COL28A1: variants seen among roughly 807,000 people sequenced by gnomAD.
The protein encoded by COL28A1 is collagen type XXVIII alpha 1 chain.
A neutral mutation model predicts 150.2 loss-of-function variants in COL28A1; 161 were observed. That is an observed-to-expected ratio of 1.07 (90% CI 0.94 to 1.22). The LOEUF is 1.22. COL28A1 is among the 50% of genes most tolerant of loss of function. COL28A1 has a pLI of 0.00. For missense variants in COL28A1, 1,617 were observed against 1,388.3 expected (o/e 1.16, Z -2.62); for synonymous variants, 552 against 469.7 (o/e 1.18, Z -2.26).
At chr7:7,381,734 A>AATAT (rs61544045) in intron 27 of COL28A1, 122 bp from the exon 28 acceptor site, 2 of 610,216 alleles carry the variant, frequency 3.3e-6, no homozygotes, top group Non-Finnish European at 2.9e-6. Flanking sequence ...TATTAGGGGA[A>AATAT]ATATATATAT....
chr7:7,515,625 G>C, intron 8 of COL28A1, among the ~76,000 whole-genome samples, 189 bp downstream of exon 8: 1 of 152,032 alleles, frequency 6.6e-6, no homozygotes, highest in East Asian at 1.9e-4. Flanking sequence ...CAGGAATCAT[G>C]GTACCCTCCA....
chr7:7,362,495 T>G (rs1213420203), intron 33 of COL28A1, among the ~76,000 whole-genome samples: 4 of 152,204 alleles, frequency 2.6e-5, no homozygotes, highest in Non-Finnish European at 5.9e-5. Context: ...GCTTTTGATT[T>G]TTTTTGTGTG....
At chr7:7,473,629 G>T (rs897414262) in intron 15 of COL28A1, among the ~76,000 whole-genome samples, 1 of 152,176 alleles carries the variant, frequency 6.6e-6, no homozygotes, top group African/African-American at 2.4e-5. Context: ...ACAGTGTGGA[G>T]ATTCCTTACA....
chr7:7,352,625 G>A (rs1780257123), downstream of COL28A1, among the ~76,000 whole-genome samples: 1 of 152,182 alleles, frequency 6.6e-6, no homozygotes, highest in Non-Finnish European at 1.5e-5. Context: ...GTGGCCTTTA[G>A]ATGTTGGAAA....
intron 14 of COL28A1, among the ~76,000 whole-genome samples, chr7:7,475,663 T>C (rs1788808256): frequency 6.6e-6 from 1 of 152,358 alleles, no homozygotes; most frequent in East Asian, 1.9e-4. Flanking sequence ...TATTTCTTTC[T>C]CTTTAAAAAA....
intron 34 of COL28A1, among the ~76,000 whole-genome samples, chr7:7,359,426 A>G (rs1311612970): frequency 6.6e-6 from 1 of 152,206 alleles, no homozygotes; most frequent in African/African-American, 2.4e-5. Context: ...TACACCTACT[A>G]TAAGAAAGCA....
intron 11 of COL28A1, among the ~76,000 whole-genome samples, chr7:7,501,106 T>C (rs1468557158): frequency 6.6e-6 from 1 of 152,140 alleles, no homozygotes; most frequent in Non-Finnish European, 1.5e-5. Context: ...GAAGTTTAAA[T>C]TGAACATAAA....
intron 27 of COL28A1, among the ~76,000 whole-genome samples, chr7:7,412,658 T>G (rs1783855454): frequency 6.6e-6 from 1 of 152,118 alleles, no homozygotes. Context: ...GAAACAGTAC[T>G]GTATTATCCC....
At position 7,507,099 on chromosome 7, in the gene COL28A1, T is replaced by C; in HGVS notation, c.972+18A>G. 9.4e-7 allele frequency: 1 copy of C among 1,063,604 alleles called. No homozygotes were observed. The highest frequency in any genetic ancestry group is 1.5e-6 in the Non-Finnish European group (1 of 679,156). 65.9% of individuals were successfully genotyped at this position (1,063,604 alleles called of 1,614,324 possible). A position where few individuals can be genotyped will look rare whatever the true frequency, so the allele number is the denominator to read the frequency against. On this transcript the variant is annotated intron_variant, in intron 10 of 34. Transcript: ENST00000399429. ...GGTGATTCTAATTCAAACTTAGATT[T>C]GGTTTTAACCCCCTTACCTGAATTC...
chr7:7,355,871 A>G (rs901190578), downstream of COL28A1, among the ~76,000 whole-genome samples: 1 of 152,172 alleles, frequency 6.6e-6, no homozygotes, highest in Non-Finnish European at 1.5e-5. Context: ...TGTGTGTACC[A>G]AGAGACATGA....
At chr7:7,405,293 A>G (rs1783432984) in intron 27 of COL28A1, among the ~76,000 whole-genome samples, 2 of 152,232 alleles carry the variant, frequency 1.3e-5, no homozygotes, top group South Asian at 4.1e-4. Context: ...AAGTATATAC[A>G]TAGCAGGAAA....
chr7:7,401,507 C>T (rs1783206099), intron 27 of COL28A1, among the ~76,000 whole-genome samples: 1 of 152,114 alleles, frequency 6.6e-6, no homozygotes, highest in Non-Finnish European at 1.5e-5. Flanking sequence ...AAAGTCCATT[C>T]TTCCTATTAT....
chr7:7,363,846 T>C (rs916414844), intron 33 of COL28A1, among the ~76,000 whole-genome samples: 1 of 152,112 alleles, frequency 6.6e-6, no homozygotes, highest in African/African-American at 2.4e-5. Flanking sequence ...CCCAGCACGA[T>C]CTCGGCTCAC....
chr7:7,506,039 C>T lies in COL28A1; in HGVS notation c.1001G>A (p.Gly334Asp). ...CTTATTGCCTTGAAACCCCTTTGGG[C>T]CTGGGTCTCCTGGAGGTCCAGTAAT... ...QGITGPPGDPGPKGFQGNKGE... is the reference protein window; with the variant it reads ...QGITGPPGDPDPKGFQGNKGE... The change falls in exon 11 of 35, where the codon GGC becomes GAC. Residue 334 changes from glycine to aspartate, a missense_variant. By Grantham distance (94) the Gly-to-Asp change is moderately conservative. Transcript: ENST00000399429. 2 of 1,474,252 alleles carry T rather than the reference C, an allele frequency of 1.4e-6. No individual in the cohort carries two copies. The highest frequency in any genetic ancestry group is 2.3e-5 in the South Asian group (2 of 88,056). 91.3% of individuals were successfully genotyped at this position (1,474,252 alleles called of 1,614,324 possible).
In COL28A1 at chr7:7,360,394, T is replaced by A. The variant is rs773711352; in HGVS notation, c.3201A>T (p.Ala1067=). The change falls in exon 34 of 35, where the codon GCA becomes GCT. Residue 1067 remains alanine (A), a synonymous_variant. Transcript: ENST00000399429. ...RPLLSTPVDG[A]EDPRCLEALK... The stretch of plus-strand genomic sequence containing the variant: ...TTGGAGTTCTGGTTTACCTACCCTC[T>A]GCCCCATCCACAGGGGTGCTGAGCA... The A allele has an allele frequency of 6.4e-6, 10 of 1,571,758 alleles. No individual in the cohort carries two copies. The South Asian group carries it at 1.2e-4, about 19-fold the overall frequency.
intron 1 of COL28A1, among the ~76,000 whole-genome samples, chr7:7,533,186 A>G (rs1287380548): frequency 6.6e-6 from 1 of 152,124 alleles, no homozygotes; most frequent in Non-Finnish European, 1.5e-5. Context: ...AGGAGCATAG[A>G]GTTGGGAGAG....
At position 7,528,567 on chromosome 7, in the gene COL28A1, G is replaced by C. The variant is rs570302199; in HGVS notation, c.681+2781C>G. Among the ~76,000 whole-genome samples, 62 of 152,182 alleles carry C rather than the reference G, an allele frequency of 4.1e-4. 1 individual carries two copies. In the South Asian group the frequency reaches 9.5e-3, roughly 23 times the overall value. ...CTAAAGTCTATTCTACAATAAAAGGGAGTAAACTTCTGATACAGAAAAAAA... is the reference window on the plus strand; with the variant it reads ...CTAAAGTCTATTCTACAATAAAAGGCAGTAAACTTCTGATACAGAAAAAAA... On this transcript the variant is annotated intron_variant, in intron 3 of 34. Coordinates refer to ENST00000399429, the MANE Select transcript of COL28A1 (RefSeq NM_001037763.3).
intron 3 of COL28A1, among the ~76,000 whole-genome samples, chr7:7,528,392 T>A (rs907014004): frequency 3.9e-5 from 6 of 152,318 alleles, no homozygotes; most frequent in East Asian, 3.9e-4. Flanking sequence ...AGTCATTAAG[T>A]CTCTTTTGAG....
chr7:7,455,495 G>A (rs1787075753), intron 16 of COL28A1, among the ~76,000 whole-genome samples: 1 of 152,080 alleles, frequency 6.6e-6, no homozygotes. Context: ...ACCAAGAGGG[G>A]CCAGGTGTCA....
Sources: gnomAD v4.1 joint callset for allele counts (sites outside exome capture counted in the v4.1 genomes callset) on GRCh38, gnomAD v4.1.1 for gene constraint, MANE v1.5 for transcripts, NCBI Gene and HGNC (gene_info 2026-07-23, HGNC 2026-07-21) for gene names.